The following AK9 variants were observed in gnomAD, a reference collection of about 807,000 sequenced individuals.
The protein encoded by AK9 is adenylate kinase domain containing 1.
AK9 carries 191 observed loss-of-function variants against 239.6 expected under a neutral mutation model. The ratio of observed to expected loss-of-function variants is 0.80; its 90% CI spans 0.71 to 0.90. The LOEUF (loss-of-function observed/expected upper bound fraction) is 0.90, where lower values mean the gene tolerates loss of function less well. AK9 is among the 40% of genes least tolerant of loss of function. The probability of loss-of-function intolerance (pLI) is 0.00; values close to 1 mark genes in which losing one functional copy is unlikely to be tolerated. For synonymous variants in AK9, 689 were observed against 721.0 expected (o/e 0.96, Z 0.71); for missense variants, 1,995 against 2,214.7 (o/e 0.90, Z 1.99).
At chr6:109,569,412 A>C (rs1787069457) in intron 21 of AK9, among the ~76,000 whole-genome samples, 1 of 152,220 alleles carries the variant, frequency 6.6e-6, no homozygotes, top group South Asian at 2.1e-4. Flanking sequence ...ATGGCAACAA[A>C]AGCCAAACTT....
intron 20 of AK9, among the ~76,000 whole-genome samples, chr6:109,574,311 T>C (rs1457577052): frequency 6.6e-6 from 1 of 151,942 alleles, no homozygotes; most frequent in Non-Finnish European, 1.5e-5. Context: ...GAGGTGGAGG[T>C]TGCAGTGAGC....
At chr6:109,546,427 A>C (rs2128156984) in intron 25 of AK9, among the ~76,000 whole-genome samples, 1 of 152,370 alleles carries the variant, frequency 6.6e-6, no homozygotes, top group East Asian at 1.9e-4. Context: ...AGTTTTAGTT[A>C]ATACAGAATG....
At chr6:109,553,179 C>T (rs1784561602) in intron 24 of AK9, among the ~76,000 whole-genome samples, 1 of 152,128 alleles carries the variant, frequency 6.6e-6, no homozygotes, top group African/African-American at 2.4e-5. Flanking sequence ...ATTGTCTTGG[C>T]TATACAGGAT....
chr6:109,613,329 C>G (rs915065269), intron 15 of AK9, among the ~76,000 whole-genome samples: 1 of 151,550 alleles, frequency 6.6e-6, no homozygotes, highest in African/African-American at 2.4e-5. Context: ...ATTGATATAA[C>G]CATTTAGAAA....
intron 33 of AK9, among the ~76,000 whole-genome samples, chr6:109,507,293 C>A (rs557913051): frequency 5.3e-5 from 8 of 151,710 alleles, no homozygotes; most frequent in Non-Finnish European, 1.0e-4. Flanking sequence ...GGACCTGGTA[C>A]ATATTAGATG....
intron 24 of AK9, among the ~76,000 whole-genome samples, chr6:109,551,674 T>C (rs1392348202): frequency 6.6e-6 from 1 of 152,114 alleles, no homozygotes; most frequent in East Asian, 1.9e-4. Flanking sequence ...GTTTAGCTTT[T>C]ATCTTTCTTC....
At chr6:109,607,198 A>G (rs535848868) in intron 17 of AK9, among the ~76,000 whole-genome samples, 56 of 152,288 alleles carry the variant, frequency 3.7e-4, no homozygotes, top group African/African-American at 1.3e-3. Flanking sequence ...TACATCAAAT[A>G]CCTAAAAATA....
chr6:109,496,393 A>G (rs1416565016), intron 38 of AK9, among the ~76,000 whole-genome samples: 1 of 152,200 alleles, frequency 6.6e-6, no homozygotes, highest in East Asian at 1.9e-4. Context: ...TCTGGACTAC[A>G]GGCAAGAGCT....
intron 29 of AK9, chr6:109,528,173 T>G: frequency 3.6e-6 from 1 of 279,108 alleles, no homozygotes; most frequent in Non-Finnish European, 7.0e-6. Context: ...TGCTGAAACA[T>G]TTGAAGTGAT....
chr6:109,675,594 A>C, intron 2 of AK9, 35 bp downstream of exon 2: 1 of 1,269,262 alleles, frequency 7.9e-7, no homozygotes, highest in Non-Finnish European at 1.0e-6. Flanking sequence ...TTTAAAAATA[A>C]AAAAAATTAT....
chr6:109,612,504 A>ACTGC (rs1280446206), intron 15 of AK9, among the ~76,000 whole-genome samples: 1 of 152,088 alleles, frequency 6.6e-6, no homozygotes, highest in Non-Finnish European at 1.5e-5. Context: ...TCTAACTTGG[A>ACTGC]CTGCCTCCCC....
intron 18 of AK9, among the ~76,000 whole-genome samples, chr6:109,585,508 TCTTA>T (rs1449261124): frequency 6.6e-6 from 1 of 152,146 alleles, no homozygotes; most frequent in Admixed American, 6.5e-5. Flanking sequence ...ATTTTGAATA[TCTTA>T]CTTTAAGAGG....
At chr6:109,570,127 G>T (rs138329078) in intron 21 of AK9, among the ~76,000 whole-genome samples, 28,750 of 152,116 alleles carry the variant, frequency 0.19, 3,196 homozygotes, top group South Asian at 0.33. Context: ...CATGTGCTTT[G>T]TAGGGACATG....
rs1788555386 is a variant in AK9, at chr6:109,579,564, T to G, written c.2177A>C (p.Lys726Thr). The change falls in exon 20 of 41, where the codon AAA (lysine) becomes ACA (threonine). Residue 726 changes from lysine to threonine, a missense_variant. Lys to Thr is a moderately conservative substitution (Grantham distance 78). Coordinates refer to ENST00000424296, the MANE Select transcript of AK9 (RefSeq NM_001145128.3). ...TCTGTGCTTGCCTTTTGCCTTCACTTTCATAAGTTCCAGTAGCCTTCGATT... is the reference window on the plus strand; with the variant it reads ...TCTGTGCTTGCCTTTTGCCTTCACTGTCATAAGTTCCAGTAGCCTTCGATT... ...EENRRLLELM[K>T]VKAKEAEETD... The G allele has an allele frequency of 1.3e-6, 2 of 1,551,478 alleles. No homozygotes were observed. The highest frequency in any genetic ancestry group is 2.7e-5 in the African/African-American group (2 of 72,990).
intron 8 of AK9, among the ~76,000 whole-genome samples, chr6:109,648,936 T>C (rs2128299042): frequency 6.6e-6 from 1 of 152,284 alleles, no homozygotes; most frequent in South Asian, 2.1e-4. Context: ...GCTGGTACAA[T>C]ATATGCAAAT....
At chr6:109,656,168 TAG>T (rs1370211808) in intron 8 of AK9, among the ~76,000 whole-genome samples, 2 of 152,334 alleles carry the variant, frequency 1.3e-5, no homozygotes, top group African/African-American at 4.8e-5. Flanking sequence ...TTACATTTGG[TAG>T]AGTCTTACCT....
Position 109,536,891 on chromosome 6 carries a change from T to C in AK9, c.3351-3421A>G, listed in dbSNP as rs965511523. ...TGGTTTTTGTCTTTGGTTCTGCTTA[T>C]ATGCTGGTTTGTGTTTATTGATTTG... On this transcript the variant is annotated intron_variant, in intron 27 of 40. Coordinates refer to ENST00000424296, the MANE Select transcript of AK9 (RefSeq NM_001145128.3). Among the ~76,000 whole-genome samples the C allele has an allele frequency of 4.6e-5, 7 of 152,240 alleles. No individual in the cohort carries two copies. In the South Asian group the frequency reaches 1.0e-3, roughly 23 times the overall value.
At chr6:109,595,740 C>G (rs937928123) in intron 17 of AK9, among the ~76,000 whole-genome samples, 1 of 152,250 alleles carries the variant, frequency 6.6e-6, no homozygotes, top group Middle Eastern at 3.4e-3. Flanking sequence ...TCTCAGCAAA[C>G]TAACACAGGA....
intron 1 of AK9, among the ~76,000 whole-genome samples, chr6:109,689,172 C>T (rs1309443995): frequency 6.6e-6 from 1 of 152,154 alleles, no homozygotes; most frequent in Non-Finnish European, 1.5e-5. Context: ...GTGGATTCTG[C>T]AGCTTGTCCC....
Sources: allele counts gnomAD v4.1 joint callset (sites outside exome capture counted in the v4.1 genomes callset), GRCh38; gene constraint gnomAD v4.1.1; transcripts MANE v1.5; gene names NCBI Gene and HGNC (gene_info 2026-07-23, HGNC 2026-07-21).